POGLUT1: variants seen among roughly 807,000 people sequenced by gnomAD.
The protein encoded by POGLUT1 is 9630046K23Rik.
In POGLUT1, 32 loss-of-function variants were observed where a neutral mutation model predicts 61.3. That is an observed-to-expected ratio of 0.52 (90% CI 0.39 to 0.70). The LOEUF (loss-of-function observed/expected upper bound fraction) is 0.70, where lower values mean the gene tolerates loss of function less well. POGLUT1 is among the 30% of genes least tolerant of loss of function. POGLUT1 has a pLI of 0.00. For synonymous variants in POGLUT1, 158 were observed against 158.2 expected, an observed-to-expected ratio of 1.00 and a Z score of 0.01; for missense variants, 411 against 469.8, an observed-to-expected ratio of 0.87 and a Z score of 1.16.
chr3:119,478,738 T>A (rs1312124347), intron 4 of POGLUT1, among the ~76,000 whole-genome samples: 1 of 152,160 alleles, frequency 6.6e-6, no homozygotes, highest in African/African-American at 2.4e-5. Flanking sequence ...ATATTGCACA[T>A]GTATTTCCAG....
intron 4 of POGLUT1, among the ~76,000 whole-genome samples, chr3:119,477,787 G>A (rs1049375377): frequency 6.6e-6 from 1 of 152,090 alleles, no homozygotes; most frequent in Admixed American, 6.5e-5. Context: ...TTGGAGTTAG[G>A]GAACACCTTC....
intron 5 of POGLUT1, among the ~76,000 whole-genome samples, chr3:119,481,903 A>G (rs772807747): frequency 4.3e-4 from 66 of 152,106 alleles, no homozygotes; most frequent in African/African-American, 1.5e-3. Flanking sequence ...GAGGGGGGGA[A>G]AAAGGTGTGG....
At chr3:119,471,568 C>T (rs549619576) in intron 3 of POGLUT1, 116 bp downstream of exon 3, 27 of 945,564 alleles carry the variant, frequency 2.9e-5, no homozygotes, top group South Asian at 1.9e-4. Flanking sequence ...ACATTTCAGG[C>T]GGACTATGAA....
rs1409040189 is a variant in POGLUT1 at position 119,493,482 on chromosome 3, CAT to C, written c.*1046_*1047del. ...TAATATCTCAGGGTGCTCTTTCTAA[CAT>C]AGTAAAAAATGAAGAAAAATGTTTA... On this transcript the variant is annotated 3_prime_UTR_variant, in exon 11 of 11. Coordinates refer to ENST00000295588, the MANE Select transcript of POGLUT1 (RefSeq NM_152305.3). 5.9e-5 allele frequency: 9 copies of C among 152,108 alleles called. No homozygotes were observed. Among genetic ancestry groups the C allele is most frequent in the African/African-American group, 1.2e-4 (5 of 41,420 alleles). The allele number at this position is 152,108 out of a possible 1,614,324, so 9.4% of individuals were successfully genotyped here. A position where few individuals can be genotyped will look rare whatever the true frequency, so the allele number is the denominator to read the frequency against.
At chr3:119,487,654 A>G (rs2081683333) in intron 7 of POGLUT1, among the ~76,000 whole-genome samples, 1 of 152,234 alleles carries the variant, frequency 6.6e-6, no homozygotes, top group Non-Finnish European at 1.5e-5. Flanking sequence ...TTTGAATTTC[A>G]TGTAATTTTA....
At chr3:119,473,834 T>TGTTTTTAG (rs1286249275) in intron 3 of POGLUT1, among the ~76,000 whole-genome samples, 2 of 152,050 alleles carry the variant, frequency 1.3e-5, no homozygotes, top group Non-Finnish European at 2.9e-5. Flanking sequence ...CTAATTTTTG[T>TGTTTTTAG]GTTTTTAGTA....
In POGLUT1 at chr3:119,491,591, T is replaced by C. The variant is rs1322724833; in HGVS notation, c.1022+17T>C. ...TGCTGAAAGGTGAGTTCTGTTCATT[T>C]TCCCTTTTCCACTTTACTTTTTGTC... On this transcript the variant is annotated intron_variant, in intron 10 of 10. Coordinates refer to ENST00000295588, the MANE Select transcript of POGLUT1 (RefSeq NM_152305.3). 2.7e-6 allele frequency: 4 copies of C among 1,460,940 alleles called. No individual in the cohort carries two copies. The highest frequency in any genetic ancestry group is 3.8e-6 in the Non-Finnish European group (4 of 1,059,926). The allele number at this position is 1,460,940 out of a possible 1,614,324, so 90.5% of individuals were successfully genotyped here.
chr3:119,483,099 A>G (rs940791914), intron 5 of POGLUT1, among the ~76,000 whole-genome samples: 10 of 152,178 alleles, frequency 6.6e-5, no homozygotes, highest in South Asian at 2.1e-4. Flanking sequence ...ATGTTTTGTT[A>G]GATAGTTTGA....
intron 5 of POGLUT1, 135 bp from the exon 6 acceptor site, chr3:119,485,193 G>A (rs2081650718): frequency 5.5e-6 from 3 of 541,056 alleles, no homozygotes; most frequent in African/African-American, 2.0e-5. Flanking sequence ...CTCCAGCCTG[G>A]ACGACAGTGC....
chr3:119,485,262 G>A (rs2081651929), intron 5 of POGLUT1, 66 bp from the exon 6 acceptor site: 1 of 992,852 alleles, frequency 1.0e-6, no homozygotes, highest in South Asian at 1.4e-5. Flanking sequence ...CTTCAGAAAT[G>A]GTTAAAGCAC....
At position 119,475,954 on chromosome 3, in the gene POGLUT1, C is replaced by CCACACACACACA. The variant is rs539140166; in HGVS notation, c.321-1330_321-1319dup. On this transcript the variant is annotated intron_variant, in intron 3 of 10. Transcript: ENST00000295588. ...TGGACAACATACCAAGACTGTCTCT[C>CCACACACACACA]CACACACACACACACACACACACAC... Among the ~76,000 whole-genome samples the CCACACACACACA allele has an allele frequency of 4.3e-3, 558 of 130,942 alleles. 3 individuals carry two copies. The highest frequency in any genetic ancestry group is 0.019 in the Middle Eastern group (5 of 266). 85.9% of individuals were successfully genotyped at this position (130,942 alleles called of 152,430 possible).
rs751766526 is a variant in POGLUT1, at chr3:119,469,014, T to C, written c.-8T>C. On this transcript the variant is annotated 5_prime_UTR_variant, in exon 1 of 11. Coordinates refer to ENST00000295588, the MANE Select transcript of POGLUT1 (RefSeq NM_152305.3). ...CGCAGCGGGGAATCTGCAGTAGGTC[T>C]GCCGGCGATGGAGTGGTGGGCTAGC... The C allele has an allele frequency of 5.6e-6, 9 of 1,606,076 alleles. No homozygotes were observed. In the East Asian group the frequency reaches 6.7e-5, roughly 12 times the overall value.
chr3:119,488,557 C>A, intron 7 of POGLUT1: 1 of 159,904 alleles, frequency 6.3e-6, no homozygotes, highest in Non-Finnish European at 1.4e-5. Context: ...TATATACACC[C>A]CTAAGGCCAT....
At chr3:119,490,833 C>T in intron 9 of POGLUT1, 115 bp downstream of exon 9, 1 of 863,652 alleles carries the variant, frequency 1.2e-6, no homozygotes, top group Non-Finnish European at 1.8e-6. Flanking sequence ...GATTTTTTTC[C>T]ATTGAAAGCT....
At position 119,493,769 on chromosome 3, in the gene POGLUT1, T is replaced by C. The variant is rs2081781377; in HGVS notation, c.*1331T>C. On this transcript the variant is annotated 3_prime_UTR_variant, in exon 11 of 11. Transcript: ENST00000295588. ...GAGAAGTTGAGCATGCCTGGCAAGA[T>C]CATTTCATGGAATAAGCAGATGTTT... 6.6e-6 allele frequency: 1 copy of C among 151,802 alleles called. No individual in the cohort carries two copies. The highest frequency in any genetic ancestry group is 1.5e-5 in the Non-Finnish European group (1 of 67,980). 9.4% of individuals were successfully genotyped at this position (151,802 alleles called of 1,614,324 possible).
intron 5 of POGLUT1, among the ~76,000 whole-genome samples, chr3:119,481,031 T>A (rs2081600536): frequency 1.3e-5 from 2 of 152,184 alleles, no homozygotes; most frequent in South Asian, 4.1e-4. Flanking sequence ...CGAGCCCCTG[T>A]GCTCAGTCAG....
chr3:119,490,238 G>C (rs1024812044), intron 8 of POGLUT1: 3 of 247,896 alleles, frequency 1.2e-5, no homozygotes, highest in Non-Finnish European at 2.3e-5. Flanking sequence ...TCTACAAGCT[G>C]TCATTTCCTT....
At chr3:119,479,836 A>G (rs2081585294) in intron 4 of POGLUT1, 1 of 1,193,884 alleles carries the variant, frequency 8.4e-7, no homozygotes, top group African/African-American at 1.5e-5. Flanking sequence ...CTTTAATGTG[A>G]TTCTGAATTC....
intron 10 of POGLUT1, among the ~76,000 whole-genome samples, chr3:119,491,825 T>C (rs1359255984): frequency 1.3e-5 from 2 of 152,060 alleles, no homozygotes; most frequent in East Asian, 3.9e-4. Context: ...AAGGCCGAGG[T>C]GGGCGGATCA....
Sources: allele counts gnomAD v4.1 joint callset (sites outside exome capture counted in the v4.1 genomes callset), GRCh38; gene constraint gnomAD v4.1.1; transcripts MANE v1.5; gene names NCBI Gene and HGNC (gene_info 2026-07-23, HGNC 2026-07-21).